The following TMC6 variants were observed in gnomAD, a reference collection of about 807,000 sequenced individuals.
The protein encoded by TMC6 is transmembrane channel like 6.
Under a neutral mutation model 95.4 loss-of-function variants are expected in TMC6, and 71 were observed. The observed-to-expected ratio is 0.74, with a 90% CI of 0.61 to 0.91. The LOEUF is 0.91. Among genes scored for constraint, TMC6 ranks in the 40% least tolerant of loss-of-function variants. The pLI is 0.00. For missense variants in TMC6, 1,074 were observed against 1,079.1 expected (o/e 1.00, Z 0.07); for synonymous variants, 514 against 483.1 (o/e 1.06, Z -0.84).
Position 78,111,277 on chromosome 17 carries a change from G to C in TMC6, c.*1871C>G, listed in dbSNP as rs945277410. The C allele has an allele frequency of 3.9e-5, 6 of 152,298 alleles. No individual in the cohort carries two copies. The highest frequency in any genetic ancestry group is 1.2e-4 in the African/African-American group (5 of 41,456). 9.4% of individuals were successfully genotyped at this position (152,298 alleles called of 1,614,324 possible). Reference sequence around the variant, plus strand: ...CACGGTAATTCTCCAGAAATATCCAGGCCAAGTTCTTCCACTTTCCTGTCA... The same window carrying C: ...CACGGTAATTCTCCAGAAATATCCACGCCAAGTTCTTCCACTTTCCTGTCA... On this transcript the variant is annotated 3_prime_UTR_variant, in exon 20 of 20. Transcript: ENST00000590602.
At chr17:78,125,355 G>T in intron 5 of TMC6, 92 bp from the exon 6 acceptor site, 1 of 1,177,430 alleles carries the variant, frequency 8.5e-7, no homozygotes, top group Non-Finnish European at 1.2e-6. Context: ...GTGTCCCTGC[G>T]GCACCGTCCC....
Position 78,124,156 on chromosome 17 carries a change from C to T in TMC6, c.915G>A (p.Met305Ile), listed in dbSNP as rs2074574511. ...TGGCGTTACTGTAGTGGCCGTAGTACATGACGGTGTGGGTGAAGCAACCCT... is the reference window on the plus strand; with the variant it reads ...TGGCGTTACTGTAGTGGCCGTAGTATATGACGGTGTGGGTGAAGCAACCCT... ...TGAGCFTHTV[M>I]YYGHYSNATL... is the part of the protein sequence containing the mutation. Residue 305 changes from methionine (M) to isoleucine (I), a missense_variant, in exon 9 of 20, where the codon ATG (methionine) becomes ATA (isoleucine). Met to Ile is a conservative substitution (Grantham distance 10). Coordinates refer to ENST00000590602, the MANE Select transcript of TMC6 (RefSeq NM_001127198.5). 4 of 1,612,086 alleles carry T rather than the reference C, an allele frequency of 2.5e-6. No individual in the cohort carries two copies. Among genetic ancestry groups the T allele is most frequent in the Middle Eastern group, 1.9e-4 (1 of 5,394 alleles).
At chr17:78,113,321 T>G (rs1479260572) in intron 19 of TMC6, 110 bp from the exon 20 acceptor site, 2 of 1,330,038 alleles carry the variant, frequency 1.5e-6, no homozygotes, top group East Asian at 5.0e-5. Context: ...CCCACAGCCT[T>G]TCTCCTGAGA....
At chr17:78,113,769 GC>G in intron 18 of TMC6, 145 bp from the exon 19 acceptor site, 1 of 829,390 alleles carries the variant, frequency 1.2e-6, no homozygotes, top group Non-Finnish European at 2.0e-6. Context: ...AGGTGAAAGG[GC>G]CACCAAACAA....
rs3818146 is a variant in TMC6, at chr17:78,122,373, C to T, written c.1227+232G>A. ...CCCACGGGGCCATGGCGCTACTACG[C>T]GCTAGCAGACAACAGAGGCAGCCCC... On this transcript the variant is annotated intron_variant, in intron 10 of 19. Transcript: ENST00000590602. This position sits in a 1 kb window ranked among gnomAD's most constrained non-coding sequence, Gnocchi z 4.9. Among the ~76,000 whole-genome samples the T allele has an allele frequency of 0.042, 6,394 of 152,016 alleles. 366 individuals carry two copies. The highest frequency in any genetic ancestry group is 0.12 in the African/African-American group (4,793 of 41,438).
chr17:78,125,580 G>T, intron 5 of TMC6, 146 bp downstream of exon 5: 1 of 1,262,330 alleles, frequency 7.9e-7, no homozygotes, highest in Non-Finnish European at 1.1e-6. Flanking sequence ...GCAGAGGGAC[G>T]GGGGGGCCTT....
intron 13 of TMC6, chr17:78,119,755 C>T: frequency 2.5e-6 from 1 of 400,562 alleles, no homozygotes; most frequent in Non-Finnish European, 4.7e-6. Flanking sequence ...CCACCTCAGC[C>T]TCCTGAGTAG....
intron 13 of TMC6, 41 bp downstream of exon 13, chr17:78,120,612 G>A (rs752928727): frequency 1.9e-6 from 3 of 1,613,742 alleles, no homozygotes; most frequent in Admixed American, 3.3e-5. Context: ...GGCCACTAAG[G>A]GGAGAACACT....
At chr17:78,116,788 G>C (rs2145038951) in intron 18 of TMC6, among the ~76,000 whole-genome samples, 1 of 152,300 alleles carries the variant, frequency 6.6e-6, no homozygotes, top group South Asian at 2.1e-4. Context: ...GCTGAGGCAA[G>C]ACAGTTGCTT....
chr17:78,121,661 C>T lies in TMC6; in HGVS notation c.1278G>A (p.Gly426=), dbSNP rs1235030327. ...QLRHSPRSVC[G]RLRQAAVLGL... ...CCAGCACAGCCGCCTGCCGCAGCCT[C>T]CCGCACACGCTCCTGGGGCTGTGCC... is the stretch of plus-strand genomic sequence containing the variant. Residue 426 remains glycine, a synonymous_variant, in exon 11 of 20, where the codon GGG becomes GGA. Coordinates refer to ENST00000590602, the MANE Select transcript of TMC6 (RefSeq NM_001127198.5). This position sits in a 1 kb window ranked among gnomAD's most constrained non-coding sequence, Gnocchi z 5.6. The T allele has an allele frequency of 1.2e-6, 2 of 1,603,972 alleles. No homozygotes were observed. The highest frequency in any genetic ancestry group is 1.3e-5 in the African/African-American group (1 of 74,958).
intron 9 of TMC6, among the ~76,000 whole-genome samples, chr17:78,123,501 G>C (rs1482998338): frequency 6.6e-6 from 1 of 151,760 alleles, no homozygotes; most frequent in East Asian, 1.9e-4. Flanking sequence ...GTGGATGGGT[G>C]GGTTAAACTG....
rs931959182 is a variant in TMC6, at chr17:78,121,853, C to G, written c.1228-142G>C. 4 of 1,133,056 alleles carry G rather than the reference C, an allele frequency of 3.5e-6. No individual in the cohort carries two copies. The highest frequency in any genetic ancestry group is 3.1e-5 in the African/African-American group (2 of 64,100). The allele number at this position is 1,133,056 out of a possible 1,614,324, so 70.2% of individuals were successfully genotyped here. On this transcript the variant is annotated intron_variant, in intron 10 of 19. Transcript: ENST00000590602. The surrounding 1 kb of genome is among the most constrained non-coding windows in gnomAD (Gnocchi z 5.6). ...CAGAGGGCCAGTTCCCCATGCCCCA[C>G]CTGCCCTTTCATCTGCTGAGGGCCC...
chr17:78,120,177 GGC>G, intron 13 of TMC6: 1 of 48,492 alleles, frequency 2.1e-5, no homozygotes, highest in Non-Finnish European at 4.3e-5. Flanking sequence ...TTTTTTTTTT[GGC>G]AACACAGTCT....
At chr17:78,118,827 A>G (rs926854006) in intron 15 of TMC6, 144 bp downstream of exon 15, 2 of 873,350 alleles carry the variant, frequency 2.3e-6, no homozygotes, top group Non-Finnish European at 3.7e-6. Flanking sequence ...GGGCGGAGGG[A>G]CAGGCCAGGG....
Position 78,121,251 on chromosome 17 carries a change from G to A in TMC6, c.1384-87C>T, listed in dbSNP as rs1019576615. The A allele has an allele frequency of 6.5e-7, 1 of 1,530,694 alleles. No homozygotes were observed. The highest frequency in any genetic ancestry group is 8.8e-7 in the Non-Finnish European group (1 of 1,140,494). 94.8% of individuals were successfully genotyped at this position (1,530,694 alleles called of 1,614,324 possible). On this transcript the variant is annotated intron_variant, in intron 11 of 19. Transcript: ENST00000590602. The surrounding 1 kb of genome is among the most constrained non-coding windows in gnomAD (Gnocchi z 5.6). ...ACAGGGAAGGGCCCGGGGTGGAACT[G>A]GCAGGTAGCACCTCCCTCCTCCAAG...
At chr17:78,129,169 C>CG (rs1190052132), upstream of TMC6, among the ~76,000 whole-genome samples, 2 of 151,600 alleles carry the variant, frequency 1.3e-5, no homozygotes, top group East Asian at 2.0e-4. This position sits in a 1 kb window ranked among gnomAD's most constrained non-coding sequence, Gnocchi z 4.3. Flanking sequence ...CCGACCCCGG[C>CG]GGGGGGAGCC....
chr17:78,126,042 T>C (rs2074694628), intron 4 of TMC6, 158 bp from the exon 5 acceptor site: 7 of 1,206,878 alleles, frequency 5.8e-6, no homozygotes, highest in African/African-American at 1.5e-5. Context: ...CGAAAGCCTA[T>C]TTTTACCCCG....
chr17:78,127,929 G>A (rs2074813816), intron 1 of TMC6, among the ~76,000 whole-genome samples: 1 of 152,210 alleles, frequency 6.6e-6, no homozygotes, highest in Admixed American at 6.5e-5. Context: ...GCCCAGAGCT[G>A]GGTCCGAGGC....
At chr17:78,131,590 T>G, upstream of TMC6, 1 of 1,545,520 alleles carries the variant, frequency 6.5e-7, no homozygotes. Flanking sequence ...CCCGCCGAGA[T>G]GCTGCTGCCG....
Sources: gnomAD v4.1 joint callset for allele counts (sites outside exome capture counted in the v4.1 genomes callset) on GRCh38, gnomAD v4.1.1 for gene constraint, Gnocchi (gnomAD v3.1) non-coding constraint, MANE v1.5 for transcripts, NCBI Gene and HGNC (gene_info 2026-07-23, HGNC 2026-07-21) for gene names.